KRT71: variants seen among roughly 807,000 people sequenced by gnomAD.
KRT71 encodes keratin, type II cytoskeletal 71.
A neutral mutation model predicts 46.2 loss-of-function variants in KRT71; 42 were observed. The observed-to-expected ratio is 0.91, with a 90% CI of 0.71 to 1.18. The LOEUF is 1.18. Ranked by LOEUF, KRT71 falls within the 50% of genes most tolerant of loss-of-function variation. The probability of loss-of-function intolerance (pLI) is 0.00; values close to 1 mark genes in which losing one functional copy is unlikely to be tolerated. For missense variants in KRT71, 708 were observed against 677.9 expected, an observed-to-expected ratio of 1.04 and a Z score of -0.49; for synonymous variants, 292 against 277.8, an observed-to-expected ratio of 1.05 and a Z score of -0.51.
At chr12:52,547,403 C>G (rs992833066) in intron 6 of KRT71, among the ~76,000 whole-genome samples, 4 of 152,174 alleles carry the variant, frequency 2.6e-5, no homozygotes, top group African/African-American at 9.7e-5. Flanking sequence ...AATGGGTGCT[C>G]CCTGAGCCCA....
rs774308250 is a variant in KRT71, at chr12:52,548,257, G to A, written c.873C>T (p.Asn291=). The A allele has an allele frequency of 1.9e-6, 3 of 1,614,176 alleles. No individual in the cohort carries two copies. Among genetic ancestry groups the A allele is most frequent in the Non-Finnish European group, 2.5e-6 (3 of 1,179,994 alleles). Residue 291 remains asparagine, a synonymous_variant, in exon 5 of 9, where the codon AAC becomes AAT. Transcript: ENST00000267119. ...SDMSVILSMD[N]NRNLDLDSII... is the part of the protein sequence containing the mutation. Reference sequence around the variant, plus strand: ...TGCTGTCCAGGTCTAGGTTCCGGTTGTTGTCCATGGACAGGATGACAGACA... The same window carrying A: ...TGCTGTCCAGGTCTAGGTTCCGGTTATTGTCCATGGACAGGATGACAGACA...
intron 2 of KRT71, among the ~76,000 whole-genome samples, chr12:52,549,804 C>T (rs1939132150): frequency 6.6e-6 from 1 of 152,170 alleles, no homozygotes; most frequent in East Asian, 1.9e-4. Flanking sequence ...CAGAGATAAC[C>T]CTCTGCCCAC....
chr12:52,545,493 C>A, intron 8 of KRT71, 72 bp downstream of exon 8: 1 of 895,678 alleles, frequency 1.1e-6, no homozygotes, highest in Non-Finnish European at 1.8e-6. Context: ...CATCTGCACA[C>A]AGAGGGTGTC....
At chr12:52,545,536 A>G in intron 8 of KRT71, 29 bp downstream of exon 8, 13 of 1,469,818 alleles carry the variant, frequency 8.8e-6, no homozygotes, top group Non-Finnish European at 1.2e-5. Flanking sequence ...AGATTTTACA[A>G]TTTTAGGTGA....
At chr12:52,546,202 C>T (rs756036216) in intron 7 of KRT71, 84 bp downstream of exon 7, 3 of 1,467,086 alleles carry the variant, frequency 2.0e-6, no homozygotes, top group African/African-American at 1.4e-5. Flanking sequence ...GAACTCATCT[C>T]TTCTGGATTG....
intron 2 of KRT71, 69 bp from the exon 3 acceptor site, chr12:52,549,422 G>A (rs1565602132): frequency 7.9e-6 from 10 of 1,270,256 alleles, no homozygotes; most frequent in Non-Finnish European, 1.2e-5. Context: ...GGGCAGCGTT[G>A]AGCAAGGAGC....
chr12:52,548,208 A>C lies in KRT71; in HGVS notation c.922T>G (p.Tyr308Asp). The change falls in exon 5 of 9, where the codon TAT becomes GAT. Residue 308 changes from tyrosine (Y) to aspartate (D), a missense_variant. Tyr to Asp is a radical substitution (Grantham distance 160). Transcript: ENST00000267119. ...DSIIDEVRTQ[Y>D]EEIALKSKAE... ...TTACTCTTCAAGGCAATCTCCTCAT[A>C]CTGGGTGCGGACTTCGTCAATGATG... 1.2e-6 allele frequency: 2 copies of C among 1,614,038 alleles called. No individual in the cohort carries two copies. The highest frequency in any genetic ancestry group is 1.7e-6 in the Non-Finnish European group (2 of 1,179,994).
chr12:52,547,149 C>G (rs1459289883), intron 6 of KRT71, among the ~76,000 whole-genome samples: 1 of 152,184 alleles, frequency 6.6e-6, no homozygotes, highest in African/African-American at 2.4e-5. Flanking sequence ...TGGTTCAGAT[C>G]ACAGCTCTGC....
intron 7 of KRT71, 75 bp downstream of exon 7, chr12:52,546,211 T>G (rs1265158899): frequency 1.1e-4 from 160 of 1,486,806 alleles, no homozygotes; most frequent in African/African-American, 2.5e-4. Flanking sequence ...TCTTCTGGAT[T>G]GAGATGTGTT....
chr12:52,544,465 T>C lies in KRT71; in HGVS notation c.*67A>G. 4.3e-6 allele frequency: 6 copies of C among 1,392,878 alleles called. No individual in the cohort carries two copies. The highest frequency in any genetic ancestry group is 5.1e-6 in the Non-Finnish European group (5 of 981,636). 86.3% of individuals were successfully genotyped at this position (1,392,878 alleles called of 1,614,324 possible). A position where few individuals can be genotyped will look rare whatever the true frequency, so the allele number is the denominator to read the frequency against. ...GGTGGAGATGGAGCTGAGAGTGGGC[T>C]GTGGGAAGTACAGTGTGGGATCCAG... On this transcript the variant is annotated 3_prime_UTR_variant, in exon 9 of 9. Transcript: ENST00000267119.
intron 4 of KRT71, 38 bp downstream of exon 4, chr12:52,548,663 G>T: frequency 6.4e-7 from 1 of 1,570,610 alleles, no homozygotes; most frequent in Non-Finnish European, 8.8e-7. Context: ...TAACCCACCA[G>T]CCTCCCCTAG....
rs371730428 is a variant in KRT71, at chr12:52,547,880, C to G, written c.1081G>C (p.Glu361Gln). 2.5e-6 allele frequency: 4 copies of G among 1,614,192 alleles called. No homozygotes were observed. The Admixed American group carries it at 6.7e-5, about 27-fold the overall frequency. ...LTRLIQRIRS[E>Q]IENVKKQASN... ...ACCTGCTTCTTCACGTTCTCGATCT[C>G]TGAGCGGATTCTCTGGATGAGCCGA... The change falls in exon 6 of 9, where the codon GAG becomes CAG. Residue 361 changes from glutamate (E) to glutamine (Q), a missense_variant. By Grantham distance (29) the Glu-to-Gln change is conservative (BLOSUM62 2). Transcript: ENST00000267119.
intron 5 of KRT71, 64 bp from the exon 6 acceptor site, chr12:52,548,046 A>G: frequency 6.2e-7 from 1 of 1,604,270 alleles, no homozygotes. Flanking sequence ...TGGGATCAGA[A>G]CACAACAGAC....
At position 52,544,370 on chromosome 12, in the gene KRT71, C is replaced by G; in HGVS notation, c.*162G>C. The stretch of plus-strand genomic sequence containing the variant: ...TTGGTCATCCAGGCCTTCCCAGGAT[C>G]AGGAAGACACAGGCTGGGAGAAGTG... On this transcript the variant is annotated 3_prime_UTR_variant, in exon 9 of 9. Transcript: ENST00000267119. 1.4e-6 allele frequency: 1 copy of G among 723,090 alleles called. No homozygotes were observed. Among genetic ancestry groups the G allele is most frequent in the Non-Finnish European group, 2.5e-6 (1 of 407,184 alleles). 44.8% of individuals were successfully genotyped at this position (723,090 alleles called of 1,614,324 possible).
chr12:52,547,276 G>T (rs1939073254), intron 6 of KRT71, among the ~76,000 whole-genome samples: 1 of 152,180 alleles, frequency 6.6e-6, no homozygotes, highest in Non-Finnish European at 1.5e-5. Context: ...TGCGATAGAA[G>T]AATAGGTGCC....
chr12:52,550,003 G>A lies in KRT71; in HGVS notation c.656+26C>T, dbSNP rs1163307796. ...TTGGAGGGACAAGGGCAGTTGTCCA[G>A]TTACAGGGGGACTCCTCCTGCTCAC... On this transcript the variant is annotated intron_variant, in intron 2 of 8. Transcript: ENST00000267119. 1.9e-6 allele frequency: 3 copies of A among 1,613,268 alleles called. No individual in the cohort carries two copies. The African/African-American group carries it at 4.0e-5, about 22-fold the overall frequency.
At position 52,549,288 on chromosome 12, in the gene KRT71, C is replaced by T. The variant is rs1017252675; in HGVS notation, c.717+5G>A. The T allele has an allele frequency of 1.2e-6, 2 of 1,612,878 alleles. No homozygotes were observed. The highest frequency in any genetic ancestry group is 1.7e-5 in the Admixed American group (1 of 60,010). ...CCCGGGACTCAGGGCCTGCCTTCCCCTCACCTTCTTGAGCAGCACAAACTC... is the reference window on the plus strand; with the variant it reads ...CCCGGGACTCAGGGCCTGCCTTCCCTTCACCTTCTTGAGCAGCACAAACTC... On this transcript the variant is annotated splice_donor_5th_base_variant and intron_variant, in intron 3 of 8. Coordinates refer to ENST00000267119, the MANE Select transcript of KRT71 (RefSeq NM_033448.3).
At position 52,553,094 on chromosome 12, in the gene KRT71, AAGCTCAGATGC is replaced by A; in HGVS notation, c.-28_-18del. The A allele has an allele frequency of 6.4e-7, 1 of 1,560,862 alleles. No homozygotes were observed. The highest frequency in any genetic ancestry group is 1.2e-5 in the South Asian group (1 of 81,336). On this transcript the variant is annotated 5_prime_UTR_variant, in exon 1 of 9. Coordinates refer to ENST00000267119, the MANE Select transcript of KRT71 (RefSeq NM_033448.3). ...GCGGCTCATGTTGCTGGTGGAGACA[AAGCTCAGATGC>A]AGGAGGGAGGAAGGCAAAATCCCAA...
Position 52,551,952 on chromosome 12 carries a change from G to A in KRT71, c.441+685C>T, listed in dbSNP as rs550188941. Among the ~76,000 whole-genome samples the A allele has an allele frequency of 1.7e-3, 255 of 152,168 alleles. 2 individuals carry two copies. Among genetic ancestry groups the A allele is most frequent in the South Asian group, 6.2e-3 (30 of 4,810 alleles). ...ATCACAATCATTTTTGGAGTATTTA[G>A]TGTGCGTCAGGCTTGTGACAAGATC... On this transcript the variant is annotated intron_variant, in intron 1 of 8. Coordinates refer to ENST00000267119, the MANE Select transcript of KRT71 (RefSeq NM_033448.3).
Sources: gnomAD v4.1 joint callset for allele counts (sites outside exome capture counted in the v4.1 genomes callset) on GRCh38, gnomAD v4.1.1 for gene constraint, MANE v1.5 for transcripts, NCBI Gene and HGNC (gene_info 2026-07-23, HGNC 2026-07-21) for gene names.